Variants in SNX29 observed in about 807,000 individuals in gnomAD.
SNX29 encodes sorting nexin-29.
A neutral mutation model predicts 102.1 loss-of-function variants in SNX29; 78 were observed. The ratio of observed to expected loss-of-function variants is 0.76; its 90% CI spans 0.64 to 0.92. The LOEUF (loss-of-function observed/expected upper bound fraction) is 0.92, where lower values mean the gene tolerates loss of function less well. Among genes scored for constraint, SNX29 ranks in the 40% least tolerant of loss-of-function variants. SNX29 has a pLI of 0.00. For synonymous variants in SNX29, 580 were observed against 414.5 expected (o/e 1.40, Z -4.85); for missense variants, 1,280 against 1,061.7 (o/e 1.21, Z -2.86).
intron 20 of SNX29, among the ~76,000 whole-genome samples, chr16:12,546,914 G>A (rs192661495): frequency 6.6e-6 from 1 of 152,328 alleles, no homozygotes; most frequent in Admixed American, 6.5e-5. Context: ...GAAGCCCTAG[G>A]AGGATGAGAG....
At chr16:12,265,663 C>A (rs1378006719) in intron 14 of SNX29, among the ~76,000 whole-genome samples, 1 of 125,698 alleles carries the variant, frequency 8.0e-6, no homozygotes, top group Non-Finnish European at 1.6e-5. Context: ...GAGTTTGAGA[C>A]CAGCCTAGGA....
chr16:12,311,126 G>C (rs1346145239), intron 15 of SNX29, among the ~76,000 whole-genome samples: 1 of 152,198 alleles, frequency 6.6e-6, no homozygotes, highest in Non-Finnish European at 1.5e-5. Flanking sequence ...ATAGGGCAGA[G>C]CTGCATTGCT....
intron 16 of SNX29, among the ~76,000 whole-genome samples, chr16:12,372,328 G>A (rs1287978331): frequency 3.3e-5 from 5 of 152,200 alleles, no homozygotes; most frequent in Non-Finnish European, 7.3e-5. Flanking sequence ...CCCTAGTGGC[G>A]CTGTCAATAG....
chr16:12,456,069 T>C (rs562655480), intron 18 of SNX29, among the ~76,000 whole-genome samples: 72 of 152,358 alleles, frequency 4.7e-4, no homozygotes, highest in African/African-American at 1.1e-3. Context: ...TTCATTTGTT[T>C]GTTCATTCAT....
chr16:12,552,363 C>G (rs551236448), intron 20 of SNX29, among the ~76,000 whole-genome samples: 9 of 152,286 alleles, frequency 5.9e-5, no homozygotes, highest in South Asian at 2.1e-4. Context: ...TAAGCCAATA[C>G]ACGTGTAAGA....
chr16:12,279,005 C>G (rs2079344620), intron 15 of SNX29, among the ~76,000 whole-genome samples: 1 of 152,030 alleles, frequency 6.6e-6, no homozygotes, highest in Non-Finnish European at 1.5e-5. Context: ...TTTTCAAAAA[C>G]CATTGATTTA....
chr16:11,999,298 A>G lies in SNX29; in HGVS notation c.9A>G (p.Gly3=), dbSNP rs781338484. The change falls in exon 2 of 21, where the codon GGA becomes GGG. Residue 3 remains glycine, a splice_region_variant and synonymous_variant. Transcript: ENST00000566228. ...TAATTAAGCCTCATTGCATTTTAGG[A>G]TCACAGAACAATGACAAAAGACAAT... MS[G]SQNNDKRQFL... 18 of 1,613,990 alleles carry G rather than the reference A, an allele frequency of 1.1e-5. No homozygotes were observed. The highest frequency in any genetic ancestry group is 1.5e-5 in the Non-Finnish European group (18 of 1,179,978).
rs978623980 is a variant in SNX29, at chr16:12,558,150, C to G, written c.2319-10356C>G. Among the ~76,000 whole-genome samples, 5 of 152,184 alleles carry G rather than the reference C, an allele frequency of 3.3e-5. No individual in the cohort carries two copies. In the South Asian group the frequency reaches 8.3e-4, roughly 25 times the overall value. On this transcript the variant is annotated intron_variant, in intron 20 of 20. Transcript: ENST00000566228. ...GCATTCAGGGATAATCCTTTCCATC[C>G]TTAGCAAGTTAGGCGTAATGCATCT...
At chr16:12,490,315 A>G (rs1264128095) in intron 19 of SNX29, among the ~76,000 whole-genome samples, 2 of 152,204 alleles carry the variant, frequency 1.3e-5, no homozygotes, top group African/African-American at 2.4e-5. Context: ...ACTCCTTTGT[A>G]TCTGGCTTCT....
At position 12,417,738 on chromosome 16, in the gene SNX29, C is replaced by G. The variant is rs978403543; in HGVS notation, c.2037+14209C>G. On this transcript the variant is annotated intron_variant, in intron 18 of 20. Coordinates refer to ENST00000566228, the MANE Select transcript of SNX29 (RefSeq NM_032167.5). The stretch of plus-strand genomic sequence containing the variant: ...CTCTTCTCTTTCCTTCCTCCCACTT[C>G]TTGTCTCCTCACCCTCCTCACCCTT... 4.6e-5 allele frequency among the ~76,000 whole-genome samples: 7 copies of G among 152,144 alleles called. No homozygotes were observed. The East Asian group carries it at 7.7e-4, about 17-fold the overall frequency.
Position 12,569,458 on chromosome 16 carries a change from G to A in SNX29, c.*829G>A, listed in dbSNP as rs569411904. The A allele has an allele frequency of 1.9e-3, 428 of 231,338 alleles. 1 individual carries two copies. The highest frequency in any genetic ancestry group is 3.1e-3 in the Non-Finnish European group (362 of 116,874). 14.3% of individuals were successfully genotyped at this position (231,338 alleles called of 1,614,324 possible). On this transcript the variant is annotated 3_prime_UTR_variant, in exon 21 of 21. Coordinates refer to ENST00000566228, the MANE Select transcript of SNX29 (RefSeq NM_032167.5). ...AAAGTAGCATTGGCCCTACAGTCATGAGAGACTTGGGTCAGGGAACCACTG... is the reference window on the plus strand; with the variant it reads ...AAAGTAGCATTGGCCCTACAGTCATAAGAGACTTGGGTCAGGGAACCACTG...
chr16:12,559,367 C>CTGA (rs1352516514), intron 20 of SNX29, among the ~76,000 whole-genome samples: 1 of 151,410 alleles, frequency 6.6e-6, no homozygotes, highest in Non-Finnish European at 1.5e-5. Flanking sequence ...AATCTCATGC[C>CTGA]TGATGATCTC....
intron 15 of SNX29, among the ~76,000 whole-genome samples, chr16:12,339,370 CAAAAAAA>C (rs58148692): frequency 0.029 from 1,613 of 56,338 alleles, 66 homozygotes; most frequent in African/African-American, 0.12. Context: ...GATTCTGTCT[CAAAAAAA>C]AAAAAAAAAA....
intron 19 of SNX29, among the ~76,000 whole-genome samples, chr16:12,487,712 G>A (rs1003689786): frequency 6.6e-6 from 1 of 152,300 alleles, no homozygotes; most frequent in East Asian, 1.9e-4. Flanking sequence ...GTTCGCAGCA[G>A]AGATGCAGGG....
intron 18 of SNX29, among the ~76,000 whole-genome samples, chr16:12,458,660 G>A (rs557955979): frequency 6.6e-6 from 1 of 152,302 alleles, no homozygotes; most frequent in South Asian, 2.1e-4. Flanking sequence ...GCTTTGAATT[G>A]TGTAGATGAG....
At chr16:12,529,660 C>G (rs976134819) in intron 20 of SNX29, among the ~76,000 whole-genome samples, 15 of 152,134 alleles carry the variant, frequency 9.9e-5, no homozygotes, top group Non-Finnish European at 1.9e-4. Flanking sequence ...AAAACCCAGT[C>G]TGGGTTTCCC....
intron 20 of SNX29, among the ~76,000 whole-genome samples, chr16:12,554,010 A>G (rs1279212761): frequency 2.0e-5 from 3 of 152,142 alleles, no homozygotes; most frequent in Non-Finnish European, 4.4e-5. Context: ...TTTTTAGTAG[A>G]GACAGCGTTT....
At chr16:12,452,782 G>A (rs540821903) in intron 18 of SNX29, among the ~76,000 whole-genome samples, 75 of 152,244 alleles carry the variant, frequency 4.9e-4, no homozygotes, top group African/African-American at 1.7e-3. Flanking sequence ...CGGCAGGCAT[G>A]GTGCTGTGGG....
chr16:12,311,881 G>C (rs1161537606), intron 15 of SNX29, among the ~76,000 whole-genome samples: 1 of 152,188 alleles, frequency 6.6e-6, no homozygotes, highest in African/African-American at 2.4e-5. Flanking sequence ...ATAAGATAGA[G>C]TTATCTCTAT....
Sources: allele counts gnomAD v4.1 joint callset (sites outside exome capture counted in the v4.1 genomes callset), GRCh38; gene constraint gnomAD v4.1.1; transcripts MANE v1.5; gene names NCBI Gene and HGNC (gene_info 2026-07-23, HGNC 2026-07-21).